Variants in KIRREL2 observed in about 807,000 individuals in gnomAD.
KIRREL2 encodes kin of IRRE-like protein 2.
A neutral mutation model predicts 73.4 loss-of-function variants in KIRREL2; 56 were observed. The ratio of observed to expected loss-of-function variants is 0.76; its 90% CI spans 0.62 to 0.95. The LOEUF is 0.95. Among genes scored for constraint, KIRREL2 ranks in the 40% least tolerant of loss-of-function variants. The pLI is 0.00. For synonymous variants in KIRREL2, 407 were observed against 404.0 expected (o/e 1.01, Z -0.09); for missense variants, 896 against 935.0 (o/e 0.96, Z 0.54).
rs747932550 is a variant in KIRREL2, at chr19:35,862,953, A to C, written c.1642A>C (p.Asn548His). 49 of 1,584,032 alleles carry C rather than the reference A, an allele frequency of 3.1e-5. 1 individual carries two copies. The Admixed American group carries it at 4.0e-4, about 13-fold the overall frequency. ...KASASFSEQKNLMRIPGSSDG... is the reference protein window; with the variant it reads ...KASASFSEQKHLMRIPGSSDG... ...CTCAGCCTCTTTCTCCGAGCAAAAG[A>C]ACCTGATGCGAATCCCTGGCAGCAG... is the stretch of plus-strand genomic sequence containing the variant. The change falls in exon 13 of 15, where the codon AAC becomes CAC. Residue 548 changes from asparagine to histidine, a missense_variant. Coordinates refer to ENST00000360202, the MANE Select transcript of KIRREL2 (RefSeq NM_199180.4).
intron 7 of KIRREL2, 73 bp downstream of exon 7, chr19:35,860,740 G>A: frequency 6.3e-7 from 1 of 1,590,244 alleles, no homozygotes; most frequent in South Asian, 1.1e-5. Flanking sequence ...GTCGGGGCCT[G>A]GAGGGGCGGG....
chr19:35,866,450 C>A lies in KIRREL2; in HGVS notation c.2085C>A (p.Ala695=). ...GGACTCCCCCCTTCCCATATGCTGC[C>A]TTCCCCACACCTAGCCACCCGCGTC... ...APGTPPFPYA[A]FPTPSHPRLQ... Residue 695 remains alanine (A), a synonymous_variant, in exon 15 of 15, where the codon GCC becomes GCA. Transcript: ENST00000360202. 1 of 1,608,518 alleles carries A rather than the reference C, an allele frequency of 6.2e-7. No homozygotes were observed. Among genetic ancestry groups the A allele is most frequent in the Non-Finnish European group, 8.5e-7 (1 of 1,174,946 alleles).
Position 35,866,888 on chromosome 19 carries a change from T to C in KIRREL2, c.*396T>C. Reference sequence around the variant, plus strand: ...AAAGGTAGCATAGGATAGATGAAGATGAAGAGCATACCAGGCCCCACCCTG... The same window carrying C: ...AAAGGTAGCATAGGATAGATGAAGACGAAGAGCATACCAGGCCCCACCCTG... On this transcript the variant is annotated 3_prime_UTR_variant, in exon 15 of 15. Transcript: ENST00000360202. 3.8e-6 allele frequency: 1 copy of C among 265,788 alleles called. No individual in the cohort carries two copies. The highest frequency in any genetic ancestry group is 7.0e-6 in the Non-Finnish European group (1 of 142,056). 16.5% of individuals were successfully genotyped at this position (265,788 alleles called of 1,614,324 possible). A position where few individuals can be genotyped will look rare whatever the true frequency, so the allele number is the denominator to read the frequency against.
At chr19:35,856,370 A>C (rs1414463905), upstream of KIRREL2, among the ~76,000 whole-genome samples, 1 of 152,220 alleles carries the variant, frequency 6.6e-6, no homozygotes, top group Non-Finnish European at 1.5e-5. The surrounding 1 kb of genome is among the most constrained non-coding windows in gnomAD (Gnocchi z 5.9). Flanking sequence ...CCTGGGTCTT[A>C]GGACGTGCTG....
At chr19:35,857,206 T>A in intron 1 of KIRREL2, 26 bp downstream of exon 1, 1 of 1,580,102 alleles carries the variant, frequency 6.3e-7, no homozygotes, top group Non-Finnish European at 8.6e-7. Context: ...AGCGGAGGAA[T>A]ATGGGGTGGG....
chr19:35,861,316 G>A (rs1304271768), intron 9 of KIRREL2, 62 bp downstream of exon 9: 9 of 1,506,722 alleles, frequency 6.0e-6, no homozygotes, highest in East Asian at 4.6e-5. Flanking sequence ...GGACAGAGGG[G>A]GCAAGGGCTA....
intron 13 of KIRREL2, among the ~76,000 whole-genome samples, chr19:35,863,704 G>C (rs807660): frequency 2.6e-5 from 4 of 151,812 alleles, no homozygotes; most frequent in Non-Finnish European, 4.4e-5. Context: ...CACCCGCCTC[G>C]ACCTCCCAAA....
At position 35,861,571 on chromosome 19, in the gene KIRREL2, C is replaced by T. The variant is rs1295092433; in HGVS notation, c.1220C>T (p.Ala407Val). Residue 407 changes from alanine to valine, a missense_variant, in exon 10 of 15, where the codon GCG becomes GTG. Transcript: ENST00000360202. ...APPVVTALHS[A>V]PAFLRGPARL... The stretch of plus-strand genomic sequence containing the variant: ...CCAGTAGTGACCGCCCTGCACTCTG[C>T]GCCTGCCTTCCTGAGGGGCCCTGCT... The T allele has an allele frequency of 1.2e-6, 2 of 1,613,796 alleles. No homozygotes were observed. The highest frequency in any genetic ancestry group is 2.2e-5 in the East Asian group (1 of 44,874).
upstream of KIRREL2, chr19:35,856,906 C>G: frequency 3.1e-6 from 2 of 641,132 alleles, no homozygotes; most frequent in South Asian, 1.8e-5. This position sits in a 1 kb window ranked among gnomAD's most constrained non-coding sequence, Gnocchi z 5.9. Flanking sequence ...CTCTTGGGGT[C>G]TCCCAGAGAC....
Position 35,861,855 on chromosome 19 carries a change from C to A in KIRREL2, c.1341C>A (p.Phe447Leu). 1 of 1,589,960 alleles carries A rather than the reference C, an allele frequency of 6.3e-7. No homozygotes were observed. The highest frequency in any genetic ancestry group is 8.6e-7 in the Non-Finnish European group (1 of 1,168,318). The change falls in exon 11 of 15, where the codon TTC (phenylalanine) becomes TTA (leucine). Residue 447 changes from phenylalanine (F) to leucine (L), a missense_variant. Physicochemically the swap from Phe to Leu is conservative, Grantham distance 22 (BLOSUM62 0). Transcript: ENST00000360202. ...TGGAGGCGGGGTCGCAGGGCCGGTT[C>A]CTGGTGGAGACATTCCCTGCCCCAG... ...GFLEAGSQGRFLVETFPAPES... is the reference protein window; with the variant it reads ...GFLEAGSQGRLLVETFPAPES...
At chr19:35,857,219 T>TAATTGGGGGGGGGGGG in intron 1 of KIRREL2, 39 bp downstream of exon 1, 1 of 631,738 alleles carries the variant, frequency 1.6e-6, no homozygotes, top group Non-Finnish European at 2.3e-6. Flanking sequence ...GGGGTGGGGG[T>TAATTGGGGGGGGGGGG]GGGGAGTTGC....
chr19:35,861,990 C>T lies in KIRREL2; in HGVS notation c.1476C>T (p.Gly492=), dbSNP rs769114699. The T allele has an allele frequency of 1.6e-5, 25 of 1,611,952 alleles. No homozygotes were observed. Among genetic ancestry groups the T allele is most frequent in the Non-Finnish European group, 2.0e-5 (23 of 1,179,264 alleles). The change falls in exon 11 of 15, where the codon GGC becomes GGT. Residue 492 remains glycine (G), a synonymous_variant. Transcript: ENST00000360202. ...ACTGCAGTGCCCGGAACCGGCTGGG[C>T]GAGGGAGGTGCCCAGGCCAGCCTGG... ...SFNCSARNRL[G]EGGAQASLGR... is the part of the protein sequence containing the mutation.
rs773425855 is a variant in KIRREL2, at chr19:35,863,442, T to TTTTA, written c.1725+406_1725+407insTTTA. Among the ~76,000 whole-genome samples the TTTTA allele has an allele frequency of 2.7e-3, 405 of 147,602 alleles. 1 individual carries two copies. The highest frequency in any genetic ancestry group is 9.3e-3 in the African/African-American group (359 of 38,438). ...TGTCTCCATTTTTTTTTTTTTTTTT[T>TTTTA]ATGTAGGAGGGCTCTAGTCTTTTTT... is the stretch of plus-strand genomic sequence containing the variant. On this transcript the variant is annotated intron_variant, in intron 13 of 14. Coordinates refer to ENST00000360202, the MANE Select transcript of KIRREL2 (RefSeq NM_199180.4).
rs1361338294 is a variant in KIRREL2, at chr19:35,860,539, CG to C, written c.802del (p.Val268CysfsTer9). On this transcript the variant is annotated frameshift_variant, in exon 7 of 15. Transcript: ENST00000360202. LOFTEE classifies it high-confidence loss of function. The stretch of plus-strand genomic sequence containing the variant: ...CTCAGGTGGGCAAAAGGGGGCTCTC[CG>C]GTGCTCGGGGCCCGCGGGCCAAGGT... ...TGYRWAKGGS[P>X]VLGARGPRLE... The C allele has an allele frequency of 6.2e-7, 1 of 1,603,134 alleles. No individual in the cohort carries two copies. The highest frequency in any genetic ancestry group is 8.5e-7 in the Non-Finnish European group (1 of 1,179,940).
At chr19:35,856,866 G>T, upstream of KIRREL2, 1 of 562,544 alleles carries the variant, frequency 1.8e-6, no homozygotes, top group East Asian at 3.2e-5. The surrounding 1 kb of genome is among the most constrained non-coding windows in gnomAD (Gnocchi z 5.9). Context: ...CCCGGGGGGC[G>T]GACCCGGGCG....
chr19:35,866,478 C>T lies in KIRREL2; in HGVS notation c.2113C>T (p.Gln705Ter), dbSNP rs1973978589. ...CCCCACACCTAGCCACCCGCGTCTC[C>T]AGACTCACGTGTGACATCTTTCCAA... ...AFPTPSHPRL[Q>*]THV The change falls in exon 15 of 15, where the codon CAG (glutamine) becomes TAG (stop). Residue 705 changes from glutamine (Q) to a stop codon, truncating the protein, a stop_gained. Transcript: ENST00000360202. LOFTEE classifies it high-confidence loss of function. 1 of 1,613,112 alleles carries T rather than the reference C, an allele frequency of 6.2e-7. No homozygotes were observed. Among genetic ancestry groups the T allele is most frequent in the South Asian group, 1.1e-5 (1 of 91,048 alleles).
intron 9 of KIRREL2, 61 bp from the exon 10 acceptor site, chr19:35,861,477 CTTT>C (rs1470966931): frequency 1.3e-6 from 2 of 1,552,288 alleles, no homozygotes; most frequent in Non-Finnish European, 1.8e-6. Flanking sequence ...ACAGACCCGG[CTTT>C]GTTACAGCCT....
At chr19:35,854,520 T>C (rs76471376), upstream of KIRREL2, among the ~76,000 whole-genome samples, 3 of 150,636 alleles carry the variant, frequency 2.0e-5, no homozygotes, top group Non-Finnish European at 3.0e-5. Flanking sequence ...ACGGGGTTTC[T>C]CCATGTTGAT....
In KIRREL2 at chr19:35,864,704, G is replaced by A. The variant is rs1394239841; in HGVS notation, c.1782G>A (p.Leu594=). The A allele has an allele frequency of 6.2e-7, 1 of 1,611,952 alleles. No homozygotes were observed. Among genetic ancestry groups the A allele is most frequent in the Non-Finnish European group, 8.5e-7 (1 of 1,178,062 alleles). ...SDLVLEEEGT[L]ETKDPTNGYY... is the part of the protein sequence containing the mutation. Reference sequence around the variant, plus strand: ...TGGTTCTGGAGGAGGAAGGGACTCTGGAGACCAAGGTGAGTGTTGAGAGGG... The same window carrying A: ...TGGTTCTGGAGGAGGAAGGGACTCTAGAGACCAAGGTGAGTGTTGAGAGGG... The change falls in exon 14 of 15, where the codon CTG becomes CTA. Residue 594 remains leucine (L), a synonymous_variant. Coordinates refer to ENST00000360202, the MANE Select transcript of KIRREL2 (RefSeq NM_199180.4).
Sources: gnomAD v4.1 joint callset for allele counts (sites outside exome capture counted in the v4.1 genomes callset) on GRCh38, gnomAD v4.1.1 for gene constraint, Gnocchi (gnomAD v3.1) non-coding constraint, MANE v1.5 for transcripts, NCBI Gene and HGNC (gene_info 2026-07-23, HGNC 2026-07-21) for gene names.